PCDHA6: variants seen among roughly 807,000 people sequenced by gnomAD.
The protein encoded by PCDHA6 is protocadherin alpha-6.
Under a neutral mutation model 60.3 loss-of-function variants are expected in PCDHA6, and 55 were observed. The ratio of observed to expected loss-of-function variants is 0.91; its 90% CI spans 0.73 to 1.14. The LOEUF (loss-of-function observed/expected upper bound fraction) is 1.14. Ranked by LOEUF, PCDHA6 falls within the 50% of genes most tolerant of loss-of-function variation. The pLI, the probability that PCDHA6 is intolerant of heterozygous loss-of-function variation, is 0.00. For synonymous variants in PCDHA6, 652 were observed against 557.9 expected (o/e 1.17, Z -2.38); for missense variants, 1,327 against 1,256.5 (o/e 1.06, Z -0.85).
At position 140,840,122 on chromosome 5, in the gene PCDHA6, T is replaced by A. The variant is rs184520865; in HGVS notation, c.2394+9637T>A. On this transcript the variant is annotated intron_variant, in intron 1 of 3. Coordinates refer to ENST00000529310, the MANE Select transcript of PCDHA6 (RefSeq NM_018909.4). ...TAGTGAAATCGAGTGAAAGCTGTACTAATAAGGACAGAAATTATCACACGT... is the reference window on the plus strand; with the variant it reads ...TAGTGAAATCGAGTGAAAGCTGTACAAATAAGGACAGAAATTATCACACGT... 2.2e-3 allele frequency among the ~76,000 whole-genome samples: 336 copies of A among 152,116 alleles called. 4 individuals are homozygous for A. The highest frequency in any genetic ancestry group is 7.4e-3 in the African/African-American group (307 of 41,470).
chr5:140,877,091 C>A, intron 1 of PCDHA6: 1 of 1,613,252 alleles, frequency 6.2e-7, no homozygotes. Flanking sequence ...GCGCGCGACG[C>A]CGGCGTGCCG....
chr5:141,010,260 C>T lies in PCDHA6; in HGVS notation c.*323C>T, dbSNP rs906685521. The stretch of plus-strand genomic sequence containing the variant: ...GAGAGGTTGGACTCTCTGCCCTGTG[C>T]TCCGGGGATCCTGTCTTGATGACAC... On this transcript the variant is annotated 3_prime_UTR_variant, in exon 4 of 4. Transcript: ENST00000529310. 6.4e-7 allele frequency: 1 copy of T among 1,551,674 alleles called. No individual in the cohort carries two copies. The highest frequency in any genetic ancestry group is 1.4e-5 in the African/African-American group (1 of 73,028).
chr5:140,850,575 G>A, intron 1 of PCDHA6: 1 of 1,598,458 alleles, frequency 6.3e-7, no homozygotes, highest in Non-Finnish European at 8.6e-7. Flanking sequence ...GGTGACGCTG[G>A]TGGATGTCAA....
intron 1 of PCDHA6, chr5:140,883,197 TC>T: frequency 6.2e-7 from 1 of 1,613,904 alleles, no homozygotes; most frequent in Admixed American, 1.7e-5. Context: ...AAACTAGATT[TC>T]GAAGAAAAGA....
Position 141,009,656 on chromosome 5 carries a change from G to T in PCDHA6, c.2572G>T (p.Val858Phe). The T allele has an allele frequency of 6.2e-7, 1 of 1,614,000 alleles. No individual in the cohort carries two copies. The highest frequency in any genetic ancestry group is 8.5e-7 in the Non-Finnish European group (1 of 1,179,978). Residue 858 changes from valine (V) to phenylalanine (F), a missense_variant, in exon 4 of 4, where the codon GTC (valine) becomes TTC (phenylalanine). Physicochemically the swap from Val to Phe is conservative, Grantham distance 50. Coordinates refer to ENST00000529310, the MANE Select transcript of PCDHA6 (RefSeq NM_018909.4). The stretch of plus-strand genomic sequence containing the variant: ...AGAGGCAGGAGAAGTGTCCCCTCCA[G>T]TCGGTGCGGGTGTCAACAGCAACAG... Reference protein sequence around the residue: ...EPEAGEVSPPVGAGVNSNSWT... With the variant: ...EPEAGEVSPPFGAGVNSNSWT...
intron 1 of PCDHA6, chr5:140,875,336 G>T: frequency 7.0e-7 from 1 of 1,438,564 alleles, no homozygotes; most frequent in Non-Finnish European, 9.1e-7. Context: ...GAATAGGATC[G>T]ACTCCATAAT....
chr5:140,836,382 G>C (rs2150259409), intron 1 of PCDHA6: 27 of 1,613,752 alleles, frequency 1.7e-5, no homozygotes, highest in Non-Finnish European at 2.1e-5. Flanking sequence ...CACCGTGCTG[G>C]TGTCGCTGGT....
chr5:140,962,557 C>A (rs1554226125), intron 1 of PCDHA6, among the ~76,000 whole-genome samples: 2 of 152,112 alleles, frequency 1.3e-5, no homozygotes, highest in Admixed American at 6.6e-5. Flanking sequence ...AGGATCTCCC[C>A]CTAAAAGCCA....
chr5:140,996,814 G>T (rs1186688734), intron 3 of PCDHA6, among the ~76,000 whole-genome samples: 1 of 152,144 alleles, frequency 6.6e-6, no homozygotes, highest in African/African-American at 2.4e-5. Flanking sequence ...CTTTCCAAAA[G>T]TAACCACTAC....
chr5:141,009,654 C>T lies in PCDHA6; in HGVS notation c.2570C>T (p.Pro857Leu). 4 of 1,614,012 alleles carry T rather than the reference C, an allele frequency of 2.5e-6. No individual in the cohort carries two copies. The highest frequency in any genetic ancestry group is 3.4e-6 in the Non-Finnish European group (4 of 1,179,962). The change falls in exon 4 of 4, where the codon CCA becomes CTA. Residue 857 changes from proline to leucine, a missense_variant. Pro to Leu is a moderately conservative substitution (Grantham distance 98, BLOSUM62 -3). Coordinates refer to ENST00000529310, the MANE Select transcript of PCDHA6 (RefSeq NM_018909.4). ...CCAGAGGCAGGAGAAGTGTCCCCTC[C>T]AGTCGGTGCGGGTGTCAACAGCAAC... ...PEPEAGEVSP[P>L]VGAGVNSNSW...
At chr5:140,929,228 A>G in intron 1 of PCDHA6, 1 of 1,613,898 alleles carries the variant, frequency 6.2e-7, no homozygotes, top group Non-Finnish European at 8.5e-7. Flanking sequence ...AATGCTGCCG[A>G]CCTGCGAAAT....
At chr5:140,912,310 A>T (rs936183695) in intron 1 of PCDHA6, among the ~76,000 whole-genome samples, 1 of 151,764 alleles carries the variant, frequency 6.6e-6, no homozygotes, top group African/African-American at 2.4e-5. Flanking sequence ...AATCCAGTCA[A>T]GTTGACCCTC....
intron 1 of PCDHA6, among the ~76,000 whole-genome samples, chr5:140,890,775 C>T (rs1583027889): frequency 1.3e-5 from 2 of 152,158 alleles, no homozygotes; most frequent in East Asian, 3.9e-4. Context: ...TTTAAAACCC[C>T]ATAAGATATT....
rs2150175411 is a variant in PCDHA6 at position 140,829,819 on chromosome 5, A to C, written c.1728A>C (p.Ala576=). Residue 576 remains alanine (A), a synonymous_variant, in exon 1 of 4, where the codon GCA becomes GCC. Transcript: ENST00000529310. ...CTCGGGTGGGTGGTACTGGTGGTGCAGTGAGCGAGCTGGTGCCGCGGTCAC... is the reference window on the plus strand; with the variant it reads ...CTCGGGTGGGTGGTACTGGTGGTGCCGTGAGCGAGCTGGTGCCGCGGTCAC... ...LAPRVGGTGG[A]VSELVPRSLG... 1.2e-6 allele frequency: 2 copies of C among 1,613,876 alleles called. No individual in the cohort carries two copies. The highest frequency in any genetic ancestry group is 3.3e-5 in the Admixed American group (2 of 59,994).
intron 1 of PCDHA6, among the ~76,000 whole-genome samples, chr5:140,880,215 G>A (rs944497497): frequency 3.3e-5 from 5 of 152,162 alleles, no homozygotes; most frequent in Non-Finnish European, 5.9e-5. Context: ...TCCACCAGAA[G>A]TAGAACATTT....
Position 140,884,687 on chromosome 5 carries a change from T to C in PCDHA6, c.2394+54202T>C, listed in dbSNP as rs782253030. The C allele has an allele frequency of 4.6e-6, 7 of 1,538,230 alleles. No homozygotes were observed. In the South Asian group the frequency reaches 8.8e-5, roughly 19 times the overall value. On this transcript the variant is annotated intron_variant, in intron 1 of 3. Coordinates refer to ENST00000529310, the MANE Select transcript of PCDHA6 (RefSeq NM_018909.4). ...GGTAAGCTTATATTTTAAAAAATTGTCTTAGTAAACACTTTAGCCTTCCTT... is the reference window on the plus strand; with the variant it reads ...GGTAAGCTTATATTTTAAAAAATTGCCTTAGTAAACACTTTAGCCTTCCTT...
At chr5:140,838,077 AGTGTGTGTGTGTGTGTGTGTGTGT>A (rs57130401) in intron 1 of PCDHA6, among the ~76,000 whole-genome samples, 5 of 80,700 alleles carry the variant, frequency 6.2e-5, no homozygotes, top group South Asian at 4.3e-4. Context: ...ATATATATAT[AGTGTGTGTGTGTGTGTGTGTGTGT>A]GTGTGTGTGT....
chr5:140,902,044 A>AT (rs1222362795), intron 1 of PCDHA6, among the ~76,000 whole-genome samples: 6 of 152,016 alleles, frequency 3.9e-5, no homozygotes, highest in Non-Finnish European at 5.9e-5. Flanking sequence ...TTGTATGTTG[A>AT]TTTTGTATCC....
intron 1 of PCDHA6, among the ~76,000 whole-genome samples, chr5:140,938,344 G>A (rs569264531): frequency 6.6e-6 from 1 of 152,264 alleles, no homozygotes; most frequent in Non-Finnish European, 1.5e-5. Context: ...GGATAATCTT[G>A]TCTTATTCCT....
Sources: allele counts gnomAD v4.1 joint callset (sites outside exome capture counted in the v4.1 genomes callset), GRCh38; gene constraint gnomAD v4.1.1; transcripts MANE v1.5; gene names NCBI Gene and HGNC (gene_info 2026-07-23, HGNC 2026-07-21).